The following SLC14A2 variants were observed in gnomAD, a reference collection of about 807,000 sequenced individuals.
SLC14A2 encodes solute carrier family 14 member 2.
SLC14A2 carries 91 observed loss-of-function variants against 104.6 expected under a neutral mutation model. The ratio of observed to expected loss-of-function variants is 0.87; its 90% confidence interval spans 0.73 to 1.04. The LOEUF (loss-of-function observed/expected upper bound fraction) is 1.04, where lower values mean the gene tolerates loss of function less well. Among genes scored for constraint, SLC14A2 ranks in the 50% least tolerant of loss-of-function variants. The probability of loss-of-function intolerance (pLI) is 0.00; values close to 1 mark genes in which losing one functional copy is unlikely to be tolerated. For synonymous variants in SLC14A2, 476 were observed against 466.4 expected (o/e 1.02, Z -0.27); for missense variants, 1,189 against 1,156.0 (o/e 1.03, Z -0.41).
At chr18:45,262,277 T>G (rs967707414) in intron 1 of SLC14A2, among the ~76,000 whole-genome samples, 1 of 152,176 alleles carries the variant, frequency 6.6e-6, no homozygotes, top group African/African-American at 2.4e-5. Flanking sequence ...ATTTTATAGA[T>G]TAGGAAATTA....
At chr18:45,665,736 A>T (rs912125491) in intron 11 of SLC14A2, among the ~76,000 whole-genome samples, 1 of 109,542 alleles carries the variant, frequency 9.1e-6, no homozygotes, top group Non-Finnish European at 1.7e-5. Context: ...CAAGTTCTCC[A>T]TGTGGAACAG....
chr18:45,303,294 T>A (rs1176744205), intron 1 of SLC14A2, among the ~76,000 whole-genome samples: 1 of 152,156 alleles, frequency 6.6e-6, no homozygotes, highest in African/African-American at 2.4e-5. Flanking sequence ...AGTCTATGAG[T>A]GGTTGAAGTA....
At chr18:45,169,341 C>A in the SLC14A2 span, among the ~76,000 whole-genome samples, 2 of 152,162 alleles carry the variant, frequency 1.3e-5, no homozygotes, top group African/African-American at 4.8e-5. Flanking sequence ...CCAGTTCATT[C>A]TGACGTTGAG....
chr18:45,530,576 C>T (rs1028721058), intron 2 of SLC14A2, among the ~76,000 whole-genome samples: 5 of 152,070 alleles, frequency 3.3e-5, no homozygotes, highest in African/African-American at 1.2e-4. Context: ...TGGGAACCAT[C>T]TATGTCTAAA....
intron 4 of SLC14A2, 123 bp from the exon 5 acceptor site, chr18:45,632,227 C>CTT (rs1280963676): frequency 7.6e-7 from 1 of 1,321,568 alleles, no homozygotes; most frequent in African/African-American, 1.5e-5. Context: ...AGCGAACTGA[C>CTT]TTTTTTCTAA....
At chr18:45,479,841 C>T (rs1283285684) in intron 1 of SLC14A2, among the ~76,000 whole-genome samples, 1 of 152,170 alleles carries the variant, frequency 6.6e-6, no homozygotes. Context: ...GCCTCTGAGC[C>T]CCCAAAGGTC....
intron 2 of SLC14A2, 22 bp from the exon 3 acceptor site, chr18:45,625,661 T>C: frequency 6.6e-7 from 1 of 1,515,658 alleles, no homozygotes; most frequent in Non-Finnish European, 8.8e-7. Context: ...TCATTTGATG[T>C]CTGGTTGGTT....
intron 1 of SLC14A2, among the ~76,000 whole-genome samples, chr18:45,428,812 G>A (rs2086472312): frequency 6.6e-6 from 1 of 152,196 alleles, no homozygotes; most frequent in African/African-American, 2.4e-5. Context: ...TTTCATTTGA[G>A]TTCTGTTTAA....
intron 1 of SLC14A2, among the ~76,000 whole-genome samples, chr18:45,404,040 G>A (rs959457349): frequency 6.6e-6 from 1 of 152,148 alleles, no homozygotes; most frequent in African/African-American, 2.4e-5. Flanking sequence ...TGTTCCCACT[G>A]CCTGGAAGGA....
intron 1 of SLC14A2, among the ~76,000 whole-genome samples, chr18:45,397,671 A>T (rs1225237405): frequency 1.3e-5 from 2 of 152,166 alleles, no homozygotes; most frequent in Non-Finnish European, 2.9e-5. Flanking sequence ...AAGTTTAATT[A>T]GATCCCTCTT....
At chr18:45,649,707 G>A (rs1003243340) in intron 10 of SLC14A2, among the ~76,000 whole-genome samples, 7 of 152,224 alleles carry the variant, frequency 4.6e-5, no homozygotes, top group Non-Finnish European at 7.3e-5. Flanking sequence ...GGCAGACGGC[G>A]ACATTTTGGA....
At chr18:45,395,149 T>C (rs974275394) in intron 1 of SLC14A2, among the ~76,000 whole-genome samples, 1 of 152,186 alleles carries the variant, frequency 6.6e-6, no homozygotes, top group African/African-American at 2.4e-5. Context: ...CATCAATGGA[T>C]GAATGGATTT....
chr18:45,207,592 A>T, the SLC14A2 span, among the ~76,000 whole-genome samples: 2 of 152,288 alleles, frequency 1.3e-5, no homozygotes, highest in South Asian at 4.1e-4. Flanking sequence ...CAGTCATAAT[A>T]CTTAACTGGG....
At chr18:45,607,829 C>T (rs1191216616) in intron 2 of SLC14A2, among the ~76,000 whole-genome samples, 1 of 152,222 alleles carries the variant, frequency 6.6e-6, no homozygotes, top group East Asian at 1.9e-4. Flanking sequence ...CAAAGTTGCT[C>T]ACTTACATGA....
At chr18:45,249,496 CAG>C (rs975961495) in intron 1 of SLC14A2, among the ~76,000 whole-genome samples, 1 of 152,086 alleles carries the variant, frequency 6.6e-6, no homozygotes, top group Non-Finnish European at 1.5e-5. Context: ...TAACTGATCT[CAG>C]AGAGGTTGAG....
chr18:45,549,516 A>AG (rs1568271886), intron 2 of SLC14A2, among the ~76,000 whole-genome samples: 1 of 152,208 alleles, frequency 6.6e-6, no homozygotes. Context: ...GGAGGGAAGC[A>AG]GGGGGGAAGA....
At chr18:45,541,145 TCAACA>T (rs143978393) in intron 2 of SLC14A2, among the ~76,000 whole-genome samples, 13,655 of 152,198 alleles carry the variant, frequency 0.09, 745 homozygotes, top group Non-Finnish European at 0.12. Context: ...TTTGTGCCCC[TCAACA>T]ACAGGATTCT....
chr18:45,681,948 A>C (rs920005294), intron 19 of SLC14A2, among the ~76,000 whole-genome samples: 1 of 152,232 alleles, frequency 6.6e-6, no homozygotes, highest in Non-Finnish European at 1.5e-5. Flanking sequence ...CTTCTCCAAC[A>C]GGGGCTGATG....
intron 1 of SLC14A2, among the ~76,000 whole-genome samples, chr18:45,387,265 A>G (rs1157681230): frequency 6.6e-6 from 1 of 152,198 alleles, no homozygotes; most frequent in Non-Finnish European, 1.5e-5. Flanking sequence ...TACAGCGTCA[A>G]GCAACCCCGT....
Sources: allele counts gnomAD v4.1 joint callset (sites outside exome capture counted in the v4.1 genomes callset), GRCh38; gene constraint gnomAD v4.1.1; transcripts MANE v1.5; gene names NCBI Gene and HGNC (gene_info 2026-07-23, HGNC 2026-07-21).